FRAS1: variants seen among roughly 807,000 people sequenced by gnomAD.
The protein encoded by FRAS1 is extracellular matrix organizing protein FRAS1.
A neutral mutation model predicts 435.2 loss-of-function variants in FRAS1; 290 were observed. That is an observed-to-expected ratio of 0.67 (90% CI 0.61 to 0.73). FRAS1 has a LOEUF of 0.73. FRAS1 is among the 30% of genes least tolerant of loss of function. The probability of loss-of-function intolerance (pLI) is 0.00; values close to 1 mark genes in which losing one functional copy is unlikely to be tolerated. For missense variants in FRAS1, 4,860 were observed against 5,001.5 expected (o/e 0.97, Z 0.85); for synonymous variants, 1,800 against 1,851.0 (o/e 0.97, Z 0.71).
intron 32 of FRAS1, among the ~76,000 whole-genome samples, chr4:78,414,173 A>G (rs1486103468): frequency 6.6e-6 from 1 of 152,222 alleles, no homozygotes; most frequent in African/African-American, 2.4e-5. Context: ...AGAAATCATA[A>G]TTCAGCAGCC....
chr4:78,365,417 G>T (rs1376012562), intron 22 of FRAS1, among the ~76,000 whole-genome samples: 1 of 152,190 alleles, frequency 6.6e-6, no homozygotes, highest in Non-Finnish European at 1.5e-5. Context: ...GAGAGTGCTG[G>T]TGGAGAAATA....
At chr4:78,253,908 A>C (rs1213169091) in intron 5 of FRAS1, among the ~76,000 whole-genome samples, 1 of 152,050 alleles carries the variant, frequency 6.6e-6, no homozygotes, top group South Asian at 2.1e-4. Flanking sequence ...CATCAACACT[A>C]TTTCTGTTGG....
At position 78,445,667 on chromosome 4, in the gene FRAS1, T is replaced by G. The variant is rs1211136324; in HGVS notation, c.5811T>G (p.Asp1937Glu). Residue 1937 changes from aspartate to glutamate, a missense_variant, in exon 42 of 74, where the codon GAT (aspartate) becomes GAG (glutamate). Asp to Glu is a conservative substitution (Grantham distance 45). Transcript: ENST00000512123. The stretch of plus-strand genomic sequence containing the variant: ...ATATTTTTAGTTTTTATGTGAGTGA[T>G]GGAACCAGTCGTTCAGAAATTCACA... ...THDIFSFYVS[D>E]GTSRSEIHSI... The G allele has an allele frequency of 1.2e-6, 2 of 1,613,848 alleles. No homozygotes were observed. The highest frequency in any genetic ancestry group is 1.7e-6 in the Non-Finnish European group (2 of 1,179,868).
At chr4:78,510,607 A>C (rs1487149969) in intron 63 of FRAS1, among the ~76,000 whole-genome samples, 2 of 152,234 alleles carry the variant, frequency 1.3e-5, no homozygotes, top group Non-Finnish European at 2.9e-5. Flanking sequence ...GTAAATGCAC[A>C]CATAACCTAA....
At chr4:78,304,253 T>G (rs1166085417) in intron 14 of FRAS1, among the ~76,000 whole-genome samples, 2 of 152,172 alleles carry the variant, frequency 1.3e-5, no homozygotes. Context: ...CTGGATTTGG[T>G]TTGCCAGTAT....
At chr4:78,307,779 C>G (rs949606809) in intron 14 of FRAS1, among the ~76,000 whole-genome samples, 9 of 152,178 alleles carry the variant, frequency 5.9e-5, no homozygotes, top group Non-Finnish European at 8.8e-5. Flanking sequence ...GAGATCAACC[C>G]GGTACCTCAG....
At chr4:78,065,079 T>TACACAC (rs1429525906) in intron 1 of FRAS1, among the ~76,000 whole-genome samples, 5 of 107,108 alleles carry the variant, frequency 4.7e-5, no homozygotes, top group South Asian at 3.0e-4. Context: ...TATATATATA[T>TACACAC]ATATACATAC....
chr4:78,507,531 G>C lies in FRAS1; in HGVS notation c.9427G>C (p.Gly3143Arg). The C allele has an allele frequency of 6.2e-7, 1 of 1,612,252 alleles. No individual in the cohort carries two copies. Among genetic ancestry groups the C allele is most frequent in the Non-Finnish European group, 8.5e-7 (1 of 1,179,240 alleles). The change falls in exon 62 of 74, where the codon GGG becomes CGG. Residue 3143 changes from glycine (G) to arginine (R), a missense_variant. Transcript: ENST00000512123. ...AGATGACCCAGTGGAAGCAGTTCTT[G>C]GGGATGTGACTACTGCCACGGTGAC... is the stretch of plus-strand genomic sequence containing the variant. The part of the protein sequence containing the change: ...GPDDPVEAVL[G>R]DVTTATVTIL...
intron 20 of FRAS1, among the ~76,000 whole-genome samples, chr4:78,339,271 GAATT>G (rs2110268389): frequency 6.6e-6 from 1 of 152,344 alleles, no homozygotes; most frequent in South Asian, 2.1e-4. Flanking sequence ...GCTACTCTGA[GAATT>G]AAATTGCTCC....
Position 78,127,780 on chromosome 4 carries a change from G to A in FRAS1, c.108+61764G>A, listed in dbSNP as rs181127535. Among the ~76,000 whole-genome samples the A allele has an allele frequency of 2.1e-3, 325 of 151,538 alleles. 1 individual carries two copies. The highest frequency in any genetic ancestry group is 3.7e-3 in the Non-Finnish European group (252 of 67,854). ...TATTATTATTATACTTTAAGTTTTA[G>A]GGTACATGTGCGCAACGTGCAGGTT... On this transcript the variant is annotated intron_variant, in intron 2 of 73. Coordinates refer to ENST00000512123, the MANE Select transcript of FRAS1 (RefSeq NM_025074.7).
chr4:78,395,813 A>T (rs1046288861), intron 29 of FRAS1, among the ~76,000 whole-genome samples: 3 of 151,736 alleles, frequency 2.0e-5, no homozygotes, highest in African/African-American at 7.3e-5. Context: ...CCATTCAGCC[A>T]CTCTGTGTTT....
At chr4:78,254,626 CT>C (rs2110136421) in intron 5 of FRAS1, among the ~76,000 whole-genome samples, 1 of 152,246 alleles carries the variant, frequency 6.6e-6, no homozygotes, top group African/African-American at 2.4e-5. Flanking sequence ...CTCATTGACT[CT>C]CCATGAGAAA....
intron 2 of FRAS1, among the ~76,000 whole-genome samples, chr4:78,222,872 G>A (rs1724116299): frequency 6.6e-6 from 1 of 152,204 alleles, no homozygotes. Flanking sequence ...TAAAATGAAA[G>A]CTGTATTATT....
At chr4:78,339,317 A>T (rs2110268437) in intron 20 of FRAS1, among the ~76,000 whole-genome samples, 1 of 152,362 alleles carries the variant, frequency 6.6e-6, no homozygotes, top group Middle Eastern at 3.4e-3. Flanking sequence ...GTGGATATTT[A>T]CTGAGAACTC....
chr4:78,063,246 C>A (rs1739838681), intron 1 of FRAS1, among the ~76,000 whole-genome samples: 1 of 152,206 alleles, frequency 6.6e-6, no homozygotes. Flanking sequence ...TGTCAACAAA[C>A]CCCTCAACTT....
intron 28 of FRAS1, among the ~76,000 whole-genome samples, chr4:78,384,531 A>G (rs958948203): frequency 5.3e-5 from 8 of 152,170 alleles, no homozygotes; most frequent in African/African-American, 1.9e-4. Context: ...AAATCTGGCT[A>G]CAGAGGCGGT....
At chr4:78,073,389 G>A (rs1424821534) in intron 2 of FRAS1, among the ~76,000 whole-genome samples, 2 of 152,078 alleles carry the variant, frequency 1.3e-5, no homozygotes, top group East Asian at 3.8e-4. Context: ...ATGCAGTTGA[G>A]CTTGGAAGCC....
rs1006451600 is a variant in FRAS1, at chr4:78,513,528, A to G, written c.10150A>G (p.Thr3384Ala). 1.3e-5 allele frequency: 21 copies of G among 1,613,592 alleles called. No individual in the cohort carries two copies. Among genetic ancestry groups the G allele is most frequent in the Non-Finnish European group, 1.8e-5 (21 of 1,179,818 alleles). Reference sequence around the variant, plus strand: ...GCACGTCTGCTCCAATTTAGTTACCACCTATGACCTGAGAGGCATCTCAGG... The same window carrying G: ...GCACGTCTGCTCCAATTTAGTTACCGCCTATGACCTGAGAGGCATCTCAGG... ...HQHVCSNLVTTYDLRGISEAG... is the reference protein window; with the variant it reads ...HQHVCSNLVTAYDLRGISEAG... Residue 3384 changes from threonine (T) to alanine (A), a missense_variant, in exon 65 of 74, where the codon ACC becomes GCC. By Grantham distance (58) the Thr-to-Ala change is moderately conservative (BLOSUM62 0). Transcript: ENST00000512123.
chr4:78,163,848 G>T (rs1721236272), intron 2 of FRAS1, among the ~76,000 whole-genome samples: 1 of 152,184 alleles, frequency 6.6e-6, no homozygotes, highest in South Asian at 2.1e-4. Flanking sequence ...AGCAGTATAA[G>T]GAGTTCTTAT....
Sources: gnomAD v4.1 joint callset for allele counts (sites outside exome capture counted in the v4.1 genomes callset) on GRCh38, gnomAD v4.1.1 for gene constraint, MANE v1.5 for transcripts, NCBI Gene and HGNC (gene_info 2026-07-23, HGNC 2026-07-21) for gene names.